The following USP47 variants were observed in gnomAD, a reference collection of about 807,000 sequenced individuals.
The protein encoded by USP47 is ubiquitin specific peptidase 47.
Under a neutral mutation model 165.1 loss-of-function variants are expected in USP47, and 35 were observed. That is an observed-to-expected ratio of 0.21 (90% confidence interval 0.16 to 0.28). The LOEUF (loss-of-function observed/expected upper bound fraction) is 0.28, where lower values mean the gene tolerates loss of function less well. USP47 is among the 10% of genes least tolerant of loss of function. USP47 has a pLI of 1.00. For synonymous variants in USP47, 531 were observed against 544.5 expected (o/e 0.98, Z 0.35); for missense variants, 1,277 against 1,607.4 (o/e 0.79, Z 3.52).
At chr11:11,860,284 G>A (rs905998026) in intron 1 of USP47, among the ~76,000 whole-genome samples, 11 of 151,840 alleles carry the variant, frequency 7.2e-5, no homozygotes, top group Non-Finnish European at 1.5e-4. Context: ...ACTGAGCGGA[G>A]GATATATTTA....
chr11:11,933,251 A>G lies in USP47; in HGVS notation c.1764+135A>G, dbSNP rs760036960. ...TGATCATTGAACAGTGTAACCAACT[A>G]TACTATAAAGGTAAAATTTGATTTG... On this transcript the variant is annotated intron_variant, in intron 15 of 27. Transcript: ENST00000527733. The G allele has an allele frequency of 5.5e-4, 409 of 743,126 alleles. 1 individual carries two copies. Among genetic ancestry groups the G allele is most frequent in the Admixed American group, 9.7e-4 (35 of 36,216 alleles). The allele number at this position is 743,126 out of a possible 1,614,324, so 46.0% of individuals were successfully genotyped here.
intron 11 of USP47, 95 bp from the exon 12 acceptor site, chr11:11,929,339 T>A: frequency 6.7e-7 from 1 of 1,498,544 alleles, no homozygotes; most frequent in South Asian, 1.3e-5. Flanking sequence ...CAACTTACCA[T>A]GTTACTTCTC....
intron 1 of USP47, among the ~76,000 whole-genome samples, chr11:11,865,512 T>C (rs73411079): frequency 0.035 from 5,299 of 152,194 alleles, 300 homozygotes; most frequent in African/African-American, 0.12. Flanking sequence ...TTCAGGCGTT[T>C]AGTAATTGCT....
chr11:11,929,666 A>T (rs1590401577), intron 12 of USP47, 101 bp downstream of exon 12: 22 of 1,478,904 alleles, frequency 1.5e-5, no homozygotes, highest in Non-Finnish European at 1.9e-5. Context: ...CTGTCTAGTG[A>T]TACATCTTAA....
intron 1 of USP47, among the ~76,000 whole-genome samples, chr11:11,845,614 A>G (rs1358785791): frequency 6.6e-6 from 1 of 152,104 alleles, no homozygotes; most frequent in African/African-American, 2.4e-5. Flanking sequence ...TAGGTTTTGT[A>G]CTATAGGTTT....
rs1459529728 is a variant in USP47 at position 11,957,744 on chromosome 11, TAAGA to T, written c.*1574_*1577del. 3 of 152,136 alleles carry T rather than the reference TAAGA, an allele frequency of 2.0e-5. No individual in the cohort carries two copies. Among genetic ancestry groups the T allele is most frequent in the African/African-American group, 7.2e-5 (3 of 41,412 alleles). The allele number at this position is 152,136 out of a possible 1,614,324, so 9.4% of individuals were successfully genotyped here. ...TCCGATTTTTACCCTTTTTTTCTTA[TAAGA>T]AAGATAAAATTAGAAAATACTGTTA... On this transcript the variant is annotated 3_prime_UTR_variant, in exon 28 of 28. Coordinates refer to ENST00000527733, the MANE Select transcript of USP47 (RefSeq NM_001282659.2).
intron 20 of USP47, 69 bp from the exon 21 acceptor site, chr11:11,947,876 C>G (rs775776096): frequency 9.9e-5 from 146 of 1,469,114 alleles, no homozygotes; most frequent in Non-Finnish European, 1.3e-4. Flanking sequence ...AGTATATGAT[C>G]TGTTTTATTT....
At chr11:11,917,744 A>G (rs1411700549) in intron 8 of USP47, among the ~76,000 whole-genome samples, 1 of 152,324 alleles carries the variant, frequency 6.6e-6, no homozygotes, top group East Asian at 1.9e-4. Context: ...AAATACCAAA[A>G]GAAAATGTAA....
At chr11:11,918,429 T>C (rs1853586046) in intron 8 of USP47, among the ~76,000 whole-genome samples, 1 of 152,116 alleles carries the variant, frequency 6.6e-6, no homozygotes, top group Non-Finnish European at 1.5e-5. Context: ...GGAATATGGC[T>C]GATGAAAGTA....
chr11:11,842,368 A>G, intron 1 of USP47, 144 bp downstream of exon 1: 1 of 940,786 alleles, frequency 1.1e-6, no homozygotes, highest in South Asian at 1.9e-5. Flanking sequence ...TCGGGGGTGG[A>G]CGGTGGGTGC....
chr11:11,852,066 C>T (rs1848759249), intron 1 of USP47, among the ~76,000 whole-genome samples: 1 of 152,098 alleles, frequency 6.6e-6, no homozygotes, highest in Non-Finnish European at 1.5e-5. Flanking sequence ...AGTTACTCAG[C>T]CAGGCAGGTC....
intron 11 of USP47, 70 bp from the exon 12 acceptor site, chr11:11,929,364 G>A: frequency 6.4e-7 from 1 of 1,563,046 alleles, no homozygotes; most frequent in East Asian, 2.3e-5. Context: ...TGTTAACAGA[G>A]AATAGGAAAT....
chr11:11,949,790 T>A lies in USP47; in HGVS notation c.3349-99T>A. The A allele has an allele frequency of 3.9e-6, 3 of 777,394 alleles. No individual in the cohort carries two copies. In the East Asian group the frequency reaches 9.0e-5, roughly 23 times the overall value. 48.2% of individuals were successfully genotyped at this position (777,394 alleles called of 1,614,324 possible). A position where few individuals can be genotyped will look rare whatever the true frequency, so the allele number is the denominator to read the frequency against. ...TAGACTCTGAAACTCAGGCCCTTAA[T>A]TGCAAATAAAATGTTTTGGTAATTT... On this transcript the variant is annotated intron_variant, in intron 22 of 27. Coordinates refer to ENST00000527733, the MANE Select transcript of USP47 (RefSeq NM_001282659.2).
chr11:11,924,896 T>C (rs1158521506), intron 11 of USP47, among the ~76,000 whole-genome samples: 1 of 152,160 alleles, frequency 6.6e-6, no homozygotes, highest in Non-Finnish European at 1.5e-5. Flanking sequence ...GTATTGGGGT[T>C]TTTTTCTTCC....
intron 4 of USP47, 131 bp downstream of exon 4, chr11:11,892,237 C>T (rs184816591): frequency 4.6e-5 from 43 of 931,842 alleles, no homozygotes; most frequent in Middle Eastern, 3.5e-4. Flanking sequence ...AGCTAGCAGC[C>T]GCAAAGTTAG....
intron 24 of USP47, 94 bp downstream of exon 24, chr11:11,950,576 A>C: frequency 1.2e-6 from 1 of 839,568 alleles, no homozygotes; most frequent in Non-Finnish European, 1.9e-6. Flanking sequence ...AGTTACGAGG[A>C]ATCTAATATA....
intron 4 of USP47, among the ~76,000 whole-genome samples, chr11:11,896,431 C>T (rs1851852010): frequency 6.6e-6 from 1 of 152,184 alleles, no homozygotes; most frequent in South Asian, 2.1e-4. Context: ...AATCCCAGAG[C>T]AGCCTCAGCT....
chr11:11,946,679 A>G (rs1855864625), intron 20 of USP47, among the ~76,000 whole-genome samples: 1 of 152,208 alleles, frequency 6.6e-6, no homozygotes, highest in African/African-American at 2.4e-5. Context: ...TAGCATAGAC[A>G]GAAGCTTGTT....
chr11:11,879,948 T>G (rs1395884896), intron 1 of USP47, among the ~76,000 whole-genome samples: 1 of 152,166 alleles, frequency 6.6e-6, no homozygotes, highest in Non-Finnish European at 1.5e-5. Flanking sequence ...TGATTGTTGA[T>G]TCTGAAATGT....
Sources: gnomAD v4.1 joint callset for allele counts (sites outside exome capture counted in the v4.1 genomes callset) on GRCh38, gnomAD v4.1.1 for gene constraint, MANE v1.5 for transcripts, NCBI Gene and HGNC (gene_info 2026-07-23, HGNC 2026-07-21) for gene names.